Variants in LCLAT1 observed in about 807,000 individuals in gnomAD.
LCLAT1 encodes the protein 1-AGP acyltransferase 8.
A neutral mutation model predicts 30.7 loss-of-function variants in LCLAT1; 11 were observed. The ratio of observed to expected loss-of-function variants is 0.36; its 90% CI spans 0.23 to 0.59. The LOEUF (loss-of-function observed/expected upper bound fraction) is 0.59, where lower values mean the gene tolerates loss of function less well. Among genes scored for constraint, LCLAT1 ranks in the 20% least tolerant of loss-of-function variants. LCLAT1 has a pLI of 0.77. For synonymous variants in LCLAT1, 155 were observed against 151.3 expected (o/e 1.02, Z -0.18); for missense variants, 402 against 458.6 (o/e 0.88, Z 1.13).
At chr2:30,484,473 T>G (rs1683469348) in intron 1 of LCLAT1, among the ~76,000 whole-genome samples, 1 of 152,136 alleles carries the variant, frequency 6.6e-6, no homozygotes, top group African/African-American at 2.4e-5. Flanking sequence ...GACTTTTAAA[T>G]TTTGGGGGTT....
chr2:30,545,203 A>T (rs1664343773), intron 3 of LCLAT1, among the ~76,000 whole-genome samples: 1 of 152,174 alleles, frequency 6.6e-6, no homozygotes, highest in Non-Finnish European at 1.5e-5. Context: ...TAAAAAGGGA[A>T]TTAAAGTTGG....
At chr2:30,479,344 C>T (rs1443275762) in intron 1 of LCLAT1, among the ~76,000 whole-genome samples, 2 of 152,020 alleles carry the variant, frequency 1.3e-5, no homozygotes, top group African/African-American at 4.8e-5. Flanking sequence ...ATCCTCCTGC[C>T]TCAGCCTCCC....
chr2:30,643,836 C>T lies in LCLAT1; in HGVS notation c.*3217C>T, dbSNP rs1436688077. The T allele has an allele frequency of 6.6e-6, 1 of 152,612 alleles. No individual in the cohort carries two copies. Among genetic ancestry groups the T allele is most frequent in the Non-Finnish European group, 1.5e-5 (1 of 68,036 alleles). The allele number at this position is 152,612 out of a possible 1,614,324, so 9.5% of individuals were successfully genotyped here. On this transcript the variant is annotated 3_prime_UTR_variant, in exon 6 of 6. Coordinates refer to ENST00000379509, the MANE Select transcript of LCLAT1 (RefSeq NM_001002257.3). ...GTAGTGTGTTTCTTAGGTAAAGTCT[C>T]TTTTTGCTACTGAAAGGGAAATGGT...
chr2:30,510,448 G>A (rs943225193), intron 1 of LCLAT1, among the ~76,000 whole-genome samples: 1 of 152,080 alleles, frequency 6.6e-6, no homozygotes, highest in Non-Finnish European at 1.5e-5. Flanking sequence ...GTTCAAAGCT[G>A]GTCTAATTTT....
At chr2:30,577,233 T>C (rs563824414) in intron 5 of LCLAT1, among the ~76,000 whole-genome samples, 8 of 152,080 alleles carry the variant, frequency 5.3e-5, no homozygotes, top group African/African-American at 1.9e-4. Flanking sequence ...CCAGGTTCAT[T>C]TATCGTAAGT....
intron 1 of LCLAT1, among the ~76,000 whole-genome samples, chr2:30,494,288 G>T (rs1683985611): frequency 6.6e-6 from 1 of 152,060 alleles, no homozygotes; most frequent in Admixed American, 6.6e-5. Flanking sequence ...TGAAGTCAGT[G>T]GGTGAAGTTT....
At chr2:30,629,165 G>T (rs1332130444) in intron 5 of LCLAT1, among the ~76,000 whole-genome samples, 1 of 152,208 alleles carries the variant, frequency 6.6e-6, no homozygotes, top group African/African-American at 2.4e-5. Flanking sequence ...ATATATGGTA[G>T]AGGGTAAAGA....
chr2:30,470,494 T>G (rs541451267), intron 1 of LCLAT1, among the ~76,000 whole-genome samples: 14 of 152,356 alleles, frequency 9.2e-5, no homozygotes, highest in African/African-American at 3.1e-4. Flanking sequence ...TCATATTTGC[T>G]TTAAAGTTAA....
At chr2:30,577,229 T>C (rs1157093544) in intron 5 of LCLAT1, among the ~76,000 whole-genome samples, 2 of 152,010 alleles carry the variant, frequency 1.3e-5, no homozygotes, top group African/African-American at 2.4e-5. Context: ...TAGTCCAGGT[T>C]CATTTATCGT....
intron 5 of LCLAT1, among the ~76,000 whole-genome samples, chr2:30,592,647 T>C (rs1451762956): frequency 6.6e-6 from 1 of 152,240 alleles, no homozygotes; most frequent in Non-Finnish European, 1.5e-5. Context: ...CTGCTGAAGA[T>C]TGTTTAATCC....
chr2:30,617,258 C>G (rs1668037469), intron 5 of LCLAT1, among the ~76,000 whole-genome samples: 1 of 152,078 alleles, frequency 6.6e-6, no homozygotes. Flanking sequence ...TTTGCCTTTT[C>G]TAGATTTTCA....
At chr2:30,630,155 G>A (rs115671749) in intron 5 of LCLAT1, among the ~76,000 whole-genome samples, 2 of 152,184 alleles carry the variant, frequency 1.3e-5, no homozygotes, top group South Asian at 2.1e-4. Context: ...GTGTCCTCAC[G>A]TGATATTCTT....
chr2:30,477,799 C>T (rs537862484), intron 1 of LCLAT1, among the ~76,000 whole-genome samples: 18 of 152,088 alleles, frequency 1.2e-4, no homozygotes, highest in African/African-American at 2.7e-4. Context: ...GCAGGGCTCC[C>T]GAGAAGAATA....
chr2:30,603,221 TTTCTC>T (rs1312526955), intron 5 of LCLAT1, among the ~76,000 whole-genome samples: 1 of 152,116 alleles, frequency 6.6e-6, no homozygotes, highest in African/African-American at 2.4e-5. Flanking sequence ...AGAGAATTGT[TTTCTC>T]TTTGCCACAG....
chr2:30,583,564 C>T (rs1360218946), intron 5 of LCLAT1, among the ~76,000 whole-genome samples: 1 of 152,180 alleles, frequency 6.6e-6, no homozygotes, highest in Non-Finnish European at 1.5e-5. Flanking sequence ...CATACTCTCA[C>T]CTTGGGGAAG....
intron 1 of LCLAT1, among the ~76,000 whole-genome samples, chr2:30,506,613 T>G (rs142118823): frequency 2.0e-5 from 3 of 152,272 alleles, no homozygotes; most frequent in African/African-American, 7.2e-5. Context: ...ATGTTAAATT[T>G]AGCTATGAGC....
chr2:30,620,143 T>C (rs1668172512), intron 5 of LCLAT1, among the ~76,000 whole-genome samples: 2 of 152,162 alleles, frequency 1.3e-5, no homozygotes. Context: ...ACCTAGGGTT[T>C]TATCTGATTC....
Position 30,525,691 on chromosome 2 carries a change from T to C in LCLAT1, c.101T>C (p.Val34Ala). 1 of 1,614,186 alleles carries C rather than the reference T, an allele frequency of 6.2e-7. No homozygotes were observed. Among genetic ancestry groups the C allele is most frequent in the East Asian group, 2.2e-5 (1 of 44,880 alleles). ...AGTCCCTTTTTACCTTTGATGTTTG[T>C]AAACCCATCTTGGTATCGCTGGATC... ...MLSPFLPLMFVNPSWYRWINN... is the reference protein window; with the variant it reads ...MLSPFLPLMFANPSWYRWINN... The change falls in exon 2 of 6, where the codon GTA (valine) becomes GCA (alanine). Residue 34 changes from valine to alanine, a missense_variant. Val to Ala is a moderately conservative substitution (Grantham distance 64). Transcript: ENST00000379509.
chr2:30,459,773 T>A, intron 1 of LCLAT1: 1 of 1,203,954 alleles, frequency 8.3e-7, no homozygotes, highest in Non-Finnish European at 1.2e-6. Flanking sequence ...TTGCTTCATA[T>A]ATCTGAACAC....
Sources: gnomAD v4.1 joint callset for allele counts (sites outside exome capture counted in the v4.1 genomes callset) on GRCh38, gnomAD v4.1.1 for gene constraint, MANE v1.5 for transcripts, NCBI Gene and HGNC (gene_info 2026-07-23, HGNC 2026-07-21) for gene names.